Variants in SLC24A2 observed in about 807,000 individuals in gnomAD.
SLC24A2 encodes the protein solute carrier family 24 member 2.
A neutral mutation model predicts 62.0 loss-of-function variants in SLC24A2; 36 were observed. The observed-to-expected ratio is 0.58, with a 90% CI of 0.44 to 0.77. SLC24A2 has a LOEUF of 0.77. Among genes scored for constraint, SLC24A2 ranks in the 30% least tolerant of loss-of-function variants. The pLI is 0.00. For missense variants in SLC24A2, 846 were observed against 817.9 expected, an observed-to-expected ratio of 1.03 and a Z score of -0.42; for synonymous variants, 358 against 294.0, an observed-to-expected ratio of 1.22 and a Z score of -2.23.
the SLC24A2 span, among the ~76,000 whole-genome samples, chr9:20,275,277 GA>G: frequency 6.6e-6 from 1 of 152,140 alleles, no homozygotes; most frequent in Non-Finnish European, 1.5e-5. Flanking sequence ...CGGTACCAAT[GA>G]AGGACACAGG....
intron 4 of SLC24A2, among the ~76,000 whole-genome samples, chr9:19,613,184 G>T (rs938456047): frequency 6.6e-6 from 1 of 152,268 alleles, no homozygotes; most frequent in East Asian, 1.9e-4. Context: ...CTTTGTTCAA[G>T]GTGGTAATTT....
chr9:19,902,783 A>G, the SLC24A2 span, among the ~76,000 whole-genome samples: 1 of 152,232 alleles, frequency 6.6e-6, no homozygotes, highest in Non-Finnish European at 1.5e-5. Flanking sequence ...CTATATTACA[A>G]TTACATTAGA....
At chr9:20,038,630 A>AAAAAAAAAAAAAAAAAG in the SLC24A2 span, among the ~76,000 whole-genome samples, 1 of 149,620 alleles carries the variant, frequency 6.7e-6, no homozygotes, top group Non-Finnish European at 1.5e-5. Context: ...AAAAGAAACA[A>AAAAAAAAAAAAAAAAAG]ACAAAAAAAA....
the SLC24A2 span, among the ~76,000 whole-genome samples, chr9:19,829,797 GTATATATA>G: frequency 9.1e-5 from 8 of 87,550 alleles, no homozygotes; most frequent in Non-Finnish European, 1.4e-4. Flanking sequence ...GTGTGTGTGT[GTATATATA>G]TATATACACA....
rs1832876436 is a variant in SLC24A2 at position 19,515,172 on chromosome 9, C to G, written c.*981G>C. 1 of 152,118 alleles carries G rather than the reference C, an allele frequency of 6.6e-6. No individual in the cohort carries two copies. Among genetic ancestry groups the G allele is most frequent in the African/African-American group, 2.4e-5 (1 of 41,422 alleles). The allele number at this position is 152,118 out of a possible 1,614,324, so 9.4% of individuals were successfully genotyped here. On this transcript the variant is annotated 3_prime_UTR_variant, in exon 11 of 11. Coordinates refer to ENST00000341998, the MANE Select transcript of SLC24A2 (RefSeq NM_020344.4). The stretch of plus-strand genomic sequence containing the variant: ...AAAATACAGGTTCAGTTTATATAGT[C>G]TTGCTGTCCTAGAAAAAGCACTAAT...
At chr9:19,553,407 A>G (rs1355340182) in intron 7 of SLC24A2, among the ~76,000 whole-genome samples, 1 of 152,202 alleles carries the variant, frequency 6.6e-6, no homozygotes, top group African/African-American at 2.4e-5. Context: ...ACAAAGCAAA[A>G]TGGTCCAGAA....
intron 9 of SLC24A2, among the ~76,000 whole-genome samples, chr9:19,526,150 C>T (rs886201497): frequency 2.6e-5 from 4 of 152,050 alleles, no homozygotes; most frequent in Non-Finnish European, 4.4e-5. Flanking sequence ...ATAATATTTT[C>T]GAATTTCACT....
At chr9:19,613,507 G>C (rs1236962492) in intron 4 of SLC24A2, among the ~76,000 whole-genome samples, 1 of 152,094 alleles carries the variant, frequency 6.6e-6, no homozygotes, top group Non-Finnish European at 1.5e-5. Flanking sequence ...TCCCCAAAAA[G>C]GTCAATCCTA....
Position 19,632,903 on chromosome 9 carries a change from CA to C in SLC24A2, c.931-10605del, listed in dbSNP as rs1335769693. Among the ~76,000 whole-genome samples, 8 of 152,180 alleles carry C rather than the reference CA, an allele frequency of 5.3e-5. No individual in the cohort carries two copies. The highest frequency in any genetic ancestry group is 4.6e-4 in the Admixed American group (7 of 15,278). The stretch of plus-strand genomic sequence containing the variant: ...GTGTAGCTTCATGTAACCACCACTG[CA>C]ATCAAGATAATTAACTATAACATCA... On this transcript the variant is annotated intron_variant, in intron 2 of 10. Coordinates refer to ENST00000341998, the MANE Select transcript of SLC24A2 (RefSeq NM_020344.4). This position sits in a 1 kb window ranked among gnomAD's most constrained non-coding sequence, Gnocchi z 4.5.
the SLC24A2 span, chr9:19,929,216 C>A: frequency 2.6e-5 from 4 of 152,220 alleles, no homozygotes; most frequent in Non-Finnish European, 5.9e-5. Context: ...CAGCCCAAGA[C>A]TGAAGGGAAC....
chr9:20,086,301 C>T, the SLC24A2 span, among the ~76,000 whole-genome samples: 1 of 152,120 alleles, frequency 6.6e-6, no homozygotes, highest in African/African-American at 2.4e-5. Context: ...GACCACATGG[C>T]CCGTATTTCC....
At chr9:20,092,483 T>C in the SLC24A2 span, among the ~76,000 whole-genome samples, 1 of 152,100 alleles carries the variant, frequency 6.6e-6, no homozygotes, top group Admixed American at 6.6e-5. Flanking sequence ...CTATCATTAG[T>C]GTTAGTGTAT....
At chr9:19,527,498 A>C (rs1424114794) in intron 9 of SLC24A2, among the ~76,000 whole-genome samples, 1 of 152,220 alleles carries the variant, frequency 6.6e-6, no homozygotes, top group East Asian at 1.9e-4. Context: ...TGAAAATGTG[A>C]AACCCTTGAA....
chr9:20,165,987 T>G, the SLC24A2 span, among the ~76,000 whole-genome samples: 1 of 151,846 alleles, frequency 6.6e-6, no homozygotes, highest in Admixed American at 6.6e-5. Flanking sequence ...AAAAAAGACA[T>G]GAGCAAAAAA....
At chr9:19,700,285 A>G (rs1180652354) in intron 2 of SLC24A2, among the ~76,000 whole-genome samples, 1 of 152,106 alleles carries the variant, frequency 6.6e-6, no homozygotes, top group East Asian at 1.9e-4. Context: ...GATGTGAACT[A>G]AACACCTTTT....
chr9:19,935,228 T>G, the SLC24A2 span, among the ~76,000 whole-genome samples: 1 of 148,188 alleles, frequency 6.7e-6, no homozygotes, highest in African/African-American at 2.5e-5. Flanking sequence ...GATTGGGGGG[T>G]GGGGTGTGTG....
At chr9:19,714,633 T>G (rs75680483) in intron 2 of SLC24A2, among the ~76,000 whole-genome samples, 3 of 151,930 alleles carry the variant, frequency 2.0e-5, no homozygotes, top group South Asian at 2.1e-4. Context: ...TATTAAAAAA[T>G]TTTTTTTGCG....
chr9:19,826,121 A>G, the SLC24A2 span, among the ~76,000 whole-genome samples: 1 of 151,940 alleles, frequency 6.6e-6, no homozygotes, highest in South Asian at 2.1e-4. Flanking sequence ...CAGAACAAAA[A>G]TGATCATAAC....
the SLC24A2 span, among the ~76,000 whole-genome samples, chr9:19,969,465 C>A: frequency 6.6e-6 from 1 of 152,198 alleles, no homozygotes; most frequent in Non-Finnish European, 1.5e-5. Flanking sequence ...CTCCCTTTCT[C>A]TTCAATATGA....
Sources: gnomAD v4.1 joint callset for allele counts (sites outside exome capture counted in the v4.1 genomes callset) on GRCh38, gnomAD v4.1.1 for gene constraint, Gnocchi (gnomAD v3.1) non-coding constraint, MANE v1.5 for transcripts, NCBI Gene and HGNC (gene_info 2026-07-23, HGNC 2026-07-21) for gene names.